The following WDFY3 variants were observed in gnomAD, a reference collection of about 807,000 sequenced individuals.
The protein encoded by WDFY3 is WD repeat and FYVE domain containing 3.
Under a neutral mutation model 409.6 loss-of-function variants are expected in WDFY3, and 66 were observed. The ratio of observed to expected loss-of-function variants is 0.16; its 90% confidence interval spans 0.13 to 0.20. WDFY3 has a LOEUF of 0.20. WDFY3 is among the 10% of genes least tolerant of loss of function. The pLI, the probability that WDFY3 is intolerant of heterozygous loss-of-function variation, is 1.00. For synonymous variants in WDFY3, 1,521 were observed against 1,537.1 expected (o/e 0.99, Z 0.25); for missense variants, 3,031 against 4,298.1 (o/e 0.71, Z 8.24).
rs574165442 is a variant in WDFY3, at chr4:84,788,841, G to C, written c.3669+885C>G. Reference sequence around the variant, plus strand: ...TTGAGACCAGCCTGGCCAACATGGTGAAACCCCATCTCTACTAAAAATACA... The same window carrying C: ...TTGAGACCAGCCTGGCCAACATGGTCAAACCCCATCTCTACTAAAAATACA... On this transcript the variant is annotated intron_variant, in intron 22 of 67. Coordinates refer to ENST00000295888, the MANE Select transcript of WDFY3 (RefSeq NM_014991.6). 3.3e-5 allele frequency among the ~76,000 whole-genome samples: 5 copies of C among 152,184 alleles called. No homozygotes were observed. In the South Asian group the frequency reaches 1.0e-3, roughly 32 times the overall value.
At chr4:84,807,351 A>C (rs1751688573) in intron 15 of WDFY3, among the ~76,000 whole-genome samples, 1 of 152,198 alleles carries the variant, frequency 6.6e-6, no homozygotes, top group Admixed American at 6.5e-5. Context: ...GTAAGCTATA[A>C]GTGTAAATTT....
chr4:84,702,630 TTAAA>T (rs1731228478), intron 55 of WDFY3, 124 bp from the exon 56 acceptor site: 2 of 769,732 alleles, frequency 2.6e-6, no homozygotes, highest in East Asian at 6.1e-5. Flanking sequence ...TTATCCTACA[TTAAA>T]TACGCACAAA....
At chr4:84,807,788 G>GT (rs1176337811) in intron 15 of WDFY3, among the ~76,000 whole-genome samples, 1 of 151,954 alleles carries the variant, frequency 6.6e-6, no homozygotes, top group African/African-American at 2.4e-5. Flanking sequence ...ATTGGGGTGG[G>GT]TTTTTTACTA....
At chr4:84,819,818 T>TA (rs1348282722) in intron 12 of WDFY3, among the ~76,000 whole-genome samples, 2 of 152,070 alleles carry the variant, frequency 1.3e-5, no homozygotes, top group Non-Finnish European at 2.9e-5. Flanking sequence ...AGTGTATCAA[T>TA]AAAAAATTAG....
At chr4:84,891,768 T>C (rs992492028) in intron 3 of WDFY3, among the ~76,000 whole-genome samples, 2 of 152,186 alleles carry the variant, frequency 1.3e-5, no homozygotes, top group Non-Finnish European at 2.9e-5. Flanking sequence ...ATTTTGCTTA[T>C]GGAAACTCTA....
chr4:84,676,914 A>C (rs1726394584), intron 67 of WDFY3, among the ~76,000 whole-genome samples: 2 of 152,226 alleles, frequency 1.3e-5, no homozygotes. Flanking sequence ...ATGTATCTAT[A>C]GTGTTTATAG....
intron 58 of WDFY3, among the ~76,000 whole-genome samples, chr4:84,695,741 C>G (rs908758934): frequency 6.6e-6 from 1 of 151,936 alleles, no homozygotes; most frequent in Non-Finnish European, 1.5e-5. Flanking sequence ...GAAAGCATAC[C>G]CTGCATTAGT....
chr4:84,716,619 AC>A (rs1198313135), intron 49 of WDFY3, among the ~76,000 whole-genome samples: 1 of 149,480 alleles, frequency 6.7e-6, no homozygotes, highest in African/African-American at 2.5e-5. Flanking sequence ...ACACAAGGAA[AC>A]CCCGTCTCTA....
intron 2 of WDFY3, among the ~76,000 whole-genome samples, chr4:84,906,556 T>TACAG (rs1767068151): frequency 6.6e-6 from 1 of 152,122 alleles, no homozygotes; most frequent in Admixed American, 6.6e-5. Flanking sequence ...CCACAGGAAA[T>TACAG]TGGCTCCAGG....
intron 31 of WDFY3, 106 bp from the exon 32 acceptor site, chr4:84,766,133 C>T: frequency 6.7e-7 from 1 of 1,484,032 alleles, no homozygotes; most frequent in African/African-American, 1.4e-5. Flanking sequence ...TCTGGAGATA[C>T]TATAAATTTC....
chr4:84,943,018 T>C (rs1178102829), intron 1 of WDFY3, among the ~76,000 whole-genome samples: 6 of 152,252 alleles, frequency 3.9e-5, no homozygotes, highest in African/African-American at 1.4e-4. Context: ...GTGGATTTTC[T>C]TCTGCCTCTG....
chr4:84,844,531 G>A, intron 5 of WDFY3: 1 of 1,289,474 alleles, frequency 7.8e-7, no homozygotes, highest in Non-Finnish European at 1.0e-6. Flanking sequence ...AAAAGGCTGG[G>A]TTGTCTAAGT....
At chr4:84,764,820 G>C (rs1415825908) in intron 32 of WDFY3, among the ~76,000 whole-genome samples, 5 of 150,576 alleles carry the variant, frequency 3.3e-5, no homozygotes, top group Non-Finnish European at 5.9e-5. Context: ...AGCCAAGATC[G>C]TGCCACTGCA....
At chr4:84,789,143 T>C (rs1422140323) in intron 22 of WDFY3, among the ~76,000 whole-genome samples, 1 of 152,222 alleles carries the variant, frequency 6.6e-6, no homozygotes, top group Admixed American at 6.5e-5. Context: ...GGATTTATTC[T>C]CATTCAGAAA....
chr4:84,902,254 G>A (rs1358125822), intron 2 of WDFY3, among the ~76,000 whole-genome samples: 1 of 152,068 alleles, frequency 6.6e-6, no homozygotes, highest in African/African-American at 2.4e-5. Flanking sequence ...CTGTCACCTG[G>A]AATTAATCAA....
intron 48 of WDFY3, among the ~76,000 whole-genome samples, chr4:84,717,872 C>T (rs1217992049): frequency 6.6e-6 from 1 of 151,940 alleles, no homozygotes. Flanking sequence ...CATGGTGAAA[C>T]TCTGTCTCTA....
At chr4:84,782,887 C>T (rs974977605) in intron 25 of WDFY3, 76 bp downstream of exon 25, 10 of 1,309,442 alleles carry the variant, frequency 7.6e-6, no homozygotes, top group Middle Eastern at 3.7e-4. Context: ...TAAATACTGC[C>T]CCTTAAGTGA....
chr4:84,726,799 C>T (rs528946059), intron 45 of WDFY3, 62 bp downstream of exon 45: 3 of 1,429,698 alleles, frequency 2.1e-6, no homozygotes, highest in Non-Finnish European at 2.9e-6. Context: ...AAAAAAAAAA[C>T]CAGAAAACAA....
At chr4:84,918,803 TTG>T (rs199954395) in intron 2 of WDFY3, among the ~76,000 whole-genome samples, 22 of 142,112 alleles carry the variant, frequency 1.5e-4, no homozygotes, top group African/African-American at 4.5e-4. Context: ...ATGCGCATAT[TTG>T]TGTGTGTGTG....
Sources: allele counts gnomAD v4.1 joint callset (sites outside exome capture counted in the v4.1 genomes callset), GRCh38; gene constraint gnomAD v4.1.1; transcripts MANE v1.5; gene names NCBI Gene and HGNC (gene_info 2026-07-23, HGNC 2026-07-21).